The following PPFIBP1 variants were observed in gnomAD, a reference collection of about 807,000 sequenced individuals.
The protein encoded by PPFIBP1 is liprin-beta-1.
In PPFIBP1, 112 loss-of-function variants were observed where a neutral mutation model predicts 137.8. The ratio of observed to expected loss-of-function variants is 0.81; its 90% CI spans 0.70 to 0.95. The LOEUF (loss-of-function observed/expected upper bound fraction) is 0.95. Among genes scored for constraint, PPFIBP1 ranks in the 40% least tolerant of loss-of-function variants. PPFIBP1 has a pLI of 0.00. For synonymous variants in PPFIBP1, 378 were observed against 417.3 expected, an observed-to-expected ratio of 0.91 and a Z score of 1.15; for missense variants, 1,083 against 1,196.6, an observed-to-expected ratio of 0.91 and a Z score of 1.40.
intron 13 of PPFIBP1, among the ~76,000 whole-genome samples, chr12:27,670,783 A>AT (rs1354853239): frequency 1.7e-4 from 23 of 139,234 alleles, no homozygotes; most frequent in South Asian, 8.7e-4. Flanking sequence ...TGTCTCAAAA[A>AT]AAAAAAAAAA....
At chr12:27,538,952 G>T (rs1011480968) in intron 1 of PPFIBP1, among the ~76,000 whole-genome samples, 1 of 152,136 alleles carries the variant, frequency 6.6e-6, no homozygotes, top group African/African-American at 2.4e-5. Flanking sequence ...ACAACCTGGG[G>T]GTGGGGGTGC....
At chr12:27,589,153 A>C (rs1455602160) in intron 2 of PPFIBP1, among the ~76,000 whole-genome samples, 2 of 152,232 alleles carry the variant, frequency 1.3e-5, no homozygotes. Flanking sequence ...TCCCACTTGC[A>C]ATATATAATG....
chr12:27,687,793 C>T (rs1243997652), intron 25 of PPFIBP1, among the ~76,000 whole-genome samples: 2 of 152,094 alleles, frequency 1.3e-5, no homozygotes, highest in Non-Finnish European at 2.9e-5. Flanking sequence ...ATAAAGACTT[C>T]CTTTTCTGGC....
chr12:27,634,961 C>T lies in PPFIBP1; in HGVS notation c.116C>T (p.Thr39Ile). 1 of 1,614,130 alleles carries T rather than the reference C, an allele frequency of 6.2e-7. No homozygotes were observed. Among genetic ancestry groups the T allele is most frequent in the Non-Finnish European group, 8.5e-7 (1 of 1,179,990 alleles). The change falls in exon 4 of 30, where the codon ACC becomes ATC. Residue 39 changes from threonine to isoleucine, a missense_variant. Physicochemically the swap from Thr to Ile is moderately conservative, Grantham distance 89 (BLOSUM62 -1). Transcript: ENST00000228425. ...SNGIFDCQSP[T>I]SPFMGSLRAL... ...GGGATTTTTGATTGCCAATCTCCCA[C>T]CTCTCCATTCATGGGAAGTTTGCGA...
chr12:27,588,974 C>G (rs1238687688), intron 2 of PPFIBP1, among the ~76,000 whole-genome samples: 1 of 152,190 alleles, frequency 6.6e-6, no homozygotes, highest in Non-Finnish European at 1.5e-5. Context: ...CTGGCTCCCT[C>G]AGTGAATGTT....
intron 2 of PPFIBP1, among the ~76,000 whole-genome samples, chr12:27,600,957 T>G (rs1403385928): frequency 1.3e-5 from 2 of 152,194 alleles, no homozygotes; most frequent in Non-Finnish European, 2.9e-5. Context: ...ATATTTATCA[T>G]TTTTTTGTGG....
rs369653818 is a variant in PPFIBP1 at position 27,692,745 on chromosome 12, A to G, written c.2932-51A>G. On this transcript the variant is annotated intron_variant, in intron 29 of 29. Transcript: ENST00000228425. Reference sequence around the variant, plus strand: ...ACCACATGTCTCTTGGAGAATGTGTAGCTCTGAGCTCTTGGCTCTCAGTGT... The same window carrying G: ...ACCACATGTCTCTTGGAGAATGTGTGGCTCTGAGCTCTTGGCTCTCAGTGT... 3.2e-5 allele frequency: 51 copies of G among 1,614,018 alleles called. No individual in the cohort carries two copies. In the African/African-American group the frequency reaches 6.4e-4, roughly 20 times the overall value.
At chr12:27,635,891 A>G (rs1423210657) in intron 4 of PPFIBP1, 1 of 152,232 alleles carries the variant, frequency 6.6e-6, no homozygotes, top group Non-Finnish European at 1.5e-5. Flanking sequence ...AAATCTAAAG[A>G]ATGTCACAAA....
intron 1 of PPFIBP1, among the ~76,000 whole-genome samples, chr12:27,529,466 G>A (rs767900896): frequency 1.3e-5 from 2 of 152,180 alleles, no homozygotes; most frequent in African/African-American, 4.8e-5. Flanking sequence ...GGCTGAGGTG[G>A]ATGGATCACT....
At chr12:27,608,937 T>G in intron 2 of PPFIBP1, 1 of 191,964 alleles carries the variant, frequency 5.2e-6, no homozygotes, top group Non-Finnish European at 1.1e-5. Context: ...GCTGCCTTTT[T>G]GGGCTTTGTT....
chr12:27,631,765 T>C (rs1204915196), intron 2 of PPFIBP1, among the ~76,000 whole-genome samples: 1 of 152,224 alleles, frequency 6.6e-6, no homozygotes, highest in Non-Finnish European at 1.5e-5. Flanking sequence ...GTTTATGCTC[T>C]ACACAAAATA....
chr12:27,646,699 C>T (rs1330147477), intron 5 of PPFIBP1, among the ~76,000 whole-genome samples: 3 of 152,078 alleles, frequency 2.0e-5, no homozygotes, highest in Non-Finnish European at 4.4e-5. Context: ...CTGTGTGAGA[C>T]AAAACAAAAC....
rs200193700 is a variant in PPFIBP1 at position 27,647,854 on chromosome 12, G to C, written c.471+12G>C. On this transcript the variant is annotated intron_variant, in intron 6 of 29. Coordinates refer to ENST00000228425, the MANE Select transcript of PPFIBP1 (RefSeq NM_003622.4). The stretch of plus-strand genomic sequence containing the variant: ...AAATGCTGCAGCAGGTATGTGCAGA[G>C]GCCAGAACCAAGATGGGATTTCCCT... 1.3e-3 allele frequency: 2,141 copies of C among 1,601,324 alleles called. 7 individuals carry two copies. Among genetic ancestry groups the C allele is most frequent in the Non-Finnish European group, 1.3e-3 (1,537 of 1,173,276 alleles).
intron 1 of PPFIBP1, chr12:27,548,672 G>A (rs547612633): frequency 7.2e-4 from 109 of 152,348 alleles, no homozygotes; most frequent in African/African-American, 2.4e-3. Context: ...AAGTGAAGGA[G>A]GCAATGGGTT....
chr12:27,667,320 G>C lies in PPFIBP1; in HGVS notation c.1146G>C (p.Glu382Asp). ...CATTTAACACAAGTGTTCCCGAAGA[G>C]GTATTAATAGACTTTCAGTATTTCC... ...CDPFNTSVPE[E>D]FHTTILQVSI... The change falls in exon 13 of 30, where the codon GAG becomes GAC. Residue 382 changes from glutamate to aspartate, a missense_variant and splice_region_variant. Coordinates refer to ENST00000228425, the MANE Select transcript of PPFIBP1 (RefSeq NM_003622.4). 1.3e-6 allele frequency: 2 copies of C among 1,588,120 alleles called. No individual in the cohort carries two copies. Among genetic ancestry groups the C allele is most frequent in the Non-Finnish European group, 1.7e-6 (2 of 1,168,576 alleles).
At chr12:27,636,817 T>C (rs2057711204) in intron 4 of PPFIBP1, 1 of 152,210 alleles carries the variant, frequency 6.6e-6, no homozygotes, top group African/African-American at 2.4e-5. Flanking sequence ...ACTTCATCTC[T>C]TGTCACACAT....
intron 17 of PPFIBP1, among the ~76,000 whole-genome samples, chr12:27,674,516 G>A (rs2060383620): frequency 6.6e-6 from 1 of 152,216 alleles, no homozygotes; most frequent in South Asian, 2.1e-4. Flanking sequence ...TGTTTTGGAA[G>A]CAGGTAGAGG....
intron 1 of PPFIBP1, among the ~76,000 whole-genome samples, chr12:27,572,166 A>ATTG (rs1248686709): frequency 6.6e-6 from 1 of 152,178 alleles, no homozygotes; most frequent in Admixed American, 6.5e-5. Flanking sequence ...GTTTTAATAC[A>ATTG]TTGTTATGTA....
At chr12:27,688,121 C>A in intron 25 of PPFIBP1, 177 bp from the exon 26 acceptor site, 1 of 691,392 alleles carries the variant, frequency 1.4e-6, no homozygotes, top group Non-Finnish European at 2.4e-6. Flanking sequence ...TAAAGCAATG[C>A]TTTATTAGTA....
Sources: allele counts gnomAD v4.1 joint callset (sites outside exome capture counted in the v4.1 genomes callset), GRCh38; gene constraint gnomAD v4.1.1; transcripts MANE v1.5; gene names NCBI Gene and HGNC (gene_info 2026-07-23, HGNC 2026-07-21).